MCUB: variants seen among roughly 807,000 people sequenced by gnomAD.
MCUB encodes mitochondrial calcium uniporter dominant negative subunit beta.
Under a neutral mutation model 41.4 loss-of-function variants are expected in MCUB, and 46 were observed. The ratio of observed to expected loss-of-function variants is 1.11; its 90% confidence interval spans 0.88 to 1.42. The LOEUF is 1.42. Ranked by LOEUF, MCUB falls within the 40% of genes most tolerant of loss-of-function variation. The pLI, the probability that MCUB is intolerant of heterozygous loss-of-function variation, is 0.00. For missense variants in MCUB, 403 were observed against 404.9 expected, an observed-to-expected ratio of 1.00 and a Z score of 0.04; for synonymous variants, 148 against 148.2, an observed-to-expected ratio of 1.00 and a Z score of 0.01.
intron 1 of MCUB, among the ~76,000 whole-genome samples, chr4:109,598,763 T>C (rs749690980): frequency 2.0e-5 from 3 of 152,354 alleles, no homozygotes; most frequent in African/African-American, 4.8e-5. Context: ...AGACTTCTTA[T>C]TGAGTTCGTT....
intron 4 of MCUB, chr4:109,673,999 A>C (rs1729516899): frequency 9.3e-7 from 1 of 1,069,672 alleles, no homozygotes; most frequent in African/African-American, 1.6e-5. Context: ...GAGCAGGGGA[A>C]ATACTAAAAT....
intron 1 of MCUB, among the ~76,000 whole-genome samples, chr4:109,589,433 T>C (rs777371677): frequency 3.2e-4 from 48 of 152,198 alleles, no homozygotes; most frequent in Non-Finnish European, 4.8e-4. Context: ...TCTGCAAACA[T>C]GAATCCTGTG....
At chr4:109,562,030 G>C (rs1456751410) in intron 1 of MCUB, among the ~76,000 whole-genome samples, 1 of 152,030 alleles carries the variant, frequency 6.6e-6, no homozygotes, top group African/African-American at 2.4e-5. Context: ...GGATTACAGG[G>C]GTGAGCCACC....
At chr4:109,575,468 T>A (rs1185640946) in intron 1 of MCUB, among the ~76,000 whole-genome samples, 13 of 152,260 alleles carry the variant, frequency 8.5e-5, no homozygotes, top group South Asian at 2.1e-4. Context: ...GCTGCTGTAC[T>A]GACAGGTTAT....
Position 109,560,348 on chromosome 4 carries a change from G to C in MCUB, c.11G>C (p.Arg4Thr). The part of the protein sequence containing the change: MLQ[R>T]GLWPWRTRLL... Reference sequence around the variant, plus strand: ...GCCTGGGGCGGGAGGATGCTCCAGAGGGGCCTCTGGCCGTGGCGCACGCGG... The same window carrying C: ...GCCTGGGGCGGGAGGATGCTCCAGACGGGCCTCTGGCCGTGGCGCACGCGG... The change falls in exon 1 of 8, where the codon AGG becomes ACG. Residue 4 changes from arginine to threonine, a missense_variant. By Grantham distance (71) the Arg-to-Thr change is moderately conservative. Transcript: ENST00000394650. 3.8e-6 allele frequency: 5 copies of C among 1,303,064 alleles called. No homozygotes were observed. Among genetic ancestry groups the C allele is most frequent in the Non-Finnish European group, 4.9e-6 (5 of 1,026,488 alleles). 80.7% of individuals were successfully genotyped at this position (1,303,064 alleles called of 1,614,324 possible).
intron 1 of MCUB, among the ~76,000 whole-genome samples, chr4:109,620,341 G>T (rs1332435054): frequency 6.6e-6 from 1 of 151,630 alleles, no homozygotes; most frequent in Admixed American, 6.6e-5. Context: ...CACACTGTGG[G>T]CAGGAAATAG....
intron 1 of MCUB, among the ~76,000 whole-genome samples, chr4:109,599,996 A>G (rs1413243338): frequency 1.3e-5 from 2 of 152,186 alleles, no homozygotes; most frequent in East Asian, 3.8e-4. Context: ...GAAGTGTTGT[A>G]TGTTGTACGC....
chr4:109,560,348 G>A lies in MCUB; in HGVS notation c.11G>A (p.Arg4Lys), dbSNP rs1726590092. 5 of 1,303,062 alleles carry A rather than the reference G, an allele frequency of 3.8e-6. No individual in the cohort carries two copies. The highest frequency in any genetic ancestry group is 3.9e-6 in the Non-Finnish European group (4 of 1,026,488). 80.7% of individuals were successfully genotyped at this position (1,303,062 alleles called of 1,614,324 possible). A position where few individuals can be genotyped will look rare whatever the true frequency, so the allele number is the denominator to read the frequency against. ...GCCTGGGGCGGGAGGATGCTCCAGA[G>A]GGGCCTCTGGCCGTGGCGCACGCGG... MLQRGLWPWRTRLL... is the reference protein window; with the variant it reads MLQKGLWPWRTRLL... Residue 4 changes from arginine (R) to lysine (K), a missense_variant, in exon 1 of 8, where the codon AGG becomes AAG. Arg to Lys is a conservative substitution (Grantham distance 26, BLOSUM62 2). Coordinates refer to ENST00000394650, the MANE Select transcript of MCUB (RefSeq NM_017918.5).
At chr4:109,669,583 C>T (rs1729412042) in intron 4 of MCUB, among the ~76,000 whole-genome samples, 1 of 152,008 alleles carries the variant, frequency 6.6e-6, no homozygotes, top group Non-Finnish European at 1.5e-5. Flanking sequence ...GGGGAGTTCT[C>T]AGTCCTTAAT....
chr4:109,665,108 A>G (rs1729315298), intron 4 of MCUB, among the ~76,000 whole-genome samples: 1 of 152,192 alleles, frequency 6.6e-6, no homozygotes, highest in Non-Finnish European at 1.5e-5. Context: ...CTGACACATC[A>G]TTGTCACCCA....
chr4:109,660,839 A>C (rs1393305877), intron 3 of MCUB, among the ~76,000 whole-genome samples: 1 of 152,188 alleles, frequency 6.6e-6, no homozygotes, highest in African/African-American at 2.4e-5. Flanking sequence ...TTAAAAAAAA[A>C]AAAAATTTAA....
chr4:109,591,153 C>T (rs1406283981), intron 1 of MCUB, among the ~76,000 whole-genome samples: 1 of 151,844 alleles, frequency 6.6e-6, no homozygotes, highest in Non-Finnish European at 1.5e-5. Flanking sequence ...TCCTTTTCAC[C>T]ATCGTCCTCT....
chr4:109,615,405 A>AT (rs1352281924), intron 1 of MCUB, among the ~76,000 whole-genome samples: 4,468 of 141,712 alleles, frequency 0.032, 133 homozygotes, highest in African/African-American at 0.07. Context: ...ATAGATGTGA[A>AT]TTTTTTTTTT....
At chr4:109,643,321 A>G (rs981992295) in intron 1 of MCUB, among the ~76,000 whole-genome samples, 6 of 150,060 alleles carry the variant, frequency 4.0e-5, no homozygotes, top group Non-Finnish European at 7.4e-5. Context: ...AGTAGCTGGG[A>G]TTACAGGTGT....
At chr4:109,633,307 G>C (rs756910323) in intron 1 of MCUB, among the ~76,000 whole-genome samples, 3 of 151,584 alleles carry the variant, frequency 2.0e-5, no homozygotes, top group Non-Finnish European at 4.4e-5. Context: ...TCGGTCTGTC[G>C]CCCGGGCTGG....
At chr4:109,626,981 T>C (rs1256044731) in intron 1 of MCUB, among the ~76,000 whole-genome samples, 1 of 152,142 alleles carries the variant, frequency 6.6e-6, no homozygotes, top group African/African-American at 2.4e-5. Context: ...TTTGGAGATA[T>C]TTGTTCAACA....
chr4:109,686,420 TG>T (rs1349517877), intron 7 of MCUB, among the ~76,000 whole-genome samples: 2 of 152,228 alleles, frequency 1.3e-5, no homozygotes, highest in African/African-American at 4.8e-5. Flanking sequence ...ATTACAGGTG[TG>T]AGCCACCATG....
chr4:109,614,937 A>G (rs1728093781), intron 1 of MCUB, among the ~76,000 whole-genome samples: 1 of 152,178 alleles, frequency 6.6e-6, no homozygotes, highest in African/African-American at 2.4e-5. Context: ...ATCATTAGGC[A>G]GCAATGGGAA....
At chr4:109,669,823 T>G (rs754591242) in intron 4 of MCUB, among the ~76,000 whole-genome samples, 2 of 152,206 alleles carry the variant, frequency 1.3e-5, no homozygotes, top group Non-Finnish European at 2.9e-5. Context: ...ATTAAAGGCC[T>G]TCTTCCTTTC....
Sources: gnomAD v4.1 joint callset for allele counts (sites outside exome capture counted in the v4.1 genomes callset) on GRCh38, gnomAD v4.1.1 for gene constraint, MANE v1.5 for transcripts, NCBI Gene and HGNC (gene_info 2026-07-23, HGNC 2026-07-21) for gene names.